SPAST: variants seen among roughly 807,000 people sequenced by gnomAD.
SPAST encodes spastic paraplegia 4 (autosomal dominant; spastin).
SPAST carries 30 observed loss-of-function variants against 76.6 expected under a neutral mutation model. The observed-to-expected ratio is 0.39, with a 90% CI of 0.29 to 0.53. The LOEUF is 0.53. Among genes scored for constraint, SPAST ranks in the 20% least tolerant of loss-of-function variants. The pLI, the probability that SPAST is intolerant of heterozygous loss-of-function variation, is 0.68. For missense variants in SPAST, 717 were observed against 770.5 expected, an observed-to-expected ratio of 0.93 and a Z score of 0.82; for synonymous variants, 305 against 281.0, an observed-to-expected ratio of 1.09 and a Z score of -0.86.
chr2:32,074,051 G>A (rs1329875823), intron 1 of SPAST, among the ~76,000 whole-genome samples: 1 of 152,172 alleles, frequency 6.6e-6, no homozygotes, highest in Non-Finnish European at 1.5e-5. Context: ...ACACACATAT[G>A]TAATAACCAT....
At chr2:32,105,790 A>T (rs1002667219) in intron 4 of SPAST, among the ~76,000 whole-genome samples, 1 of 152,190 alleles carries the variant, frequency 6.6e-6, no homozygotes, top group Non-Finnish European at 1.5e-5. Context: ...TTGCAGAACG[A>T]CAAATGTTGC....
intron 3 of SPAST, among the ~76,000 whole-genome samples, chr2:32,094,045 A>G (rs763766964): frequency 6.6e-6 from 1 of 152,148 alleles, no homozygotes; most frequent in Admixed American, 6.5e-5. Context: ...TTTCCATCCT[A>G]ATTAGATACC....
At chr2:32,116,261 T>G (rs1210639597) in intron 7 of SPAST, 49 bp downstream of exon 7, 1 of 1,123,036 alleles carries the variant, frequency 8.9e-7, no homozygotes, top group Non-Finnish European at 1.4e-6. Flanking sequence ...TGTTACTGAA[T>G]CCATAGTAGT....
intron 4 of SPAST, among the ~76,000 whole-genome samples, chr2:32,101,944 T>C (rs1678142376): frequency 6.6e-6 from 1 of 152,146 alleles, no homozygotes; most frequent in South Asian, 2.1e-4. Context: ...CTTAGGATTG[T>C]CTTGGCAATG....
At chr2:32,066,719 A>G (rs1256561065) in intron 1 of SPAST, among the ~76,000 whole-genome samples, 3 of 152,006 alleles carry the variant, frequency 2.0e-5, no homozygotes, top group Non-Finnish European at 2.9e-5. Context: ...CATGCCTGTA[A>G]TTCCAGCACT....
intron 7 of SPAST, among the ~76,000 whole-genome samples, chr2:32,119,628 A>G (rs1678950910): frequency 6.6e-6 from 1 of 152,188 alleles, no homozygotes; most frequent in Admixed American, 6.6e-5. Context: ...CTTCAATCCC[A>G]TAGGACCATG....
intron 7 of SPAST, among the ~76,000 whole-genome samples, chr2:32,123,009 C>T (rs1679068151): frequency 6.6e-6 from 1 of 152,116 alleles, no homozygotes; most frequent in Non-Finnish European, 1.5e-5. Context: ...CACCTGTAAT[C>T]CCAGCACTTT....
Position 32,114,630 on chromosome 2 carries a change from C to T in SPAST, c.683-8C>T. The T allele has an allele frequency of 6.2e-7, 1 of 1,612,366 alleles. No individual in the cohort carries two copies. Among genetic ancestry groups the T allele is most frequent in the South Asian group, 1.1e-5 (1 of 91,044 alleles). On this transcript the variant is annotated splice_region_variant and splice_polypyrimidine_tract_variant and intron_variant, in intron 4 of 16. Coordinates refer to ENST00000315285, the MANE Select transcript of SPAST (RefSeq NM_014946.4). The stretch of plus-strand genomic sequence containing the variant: ...CTAATCACAATGGTTTTACTTTTTC[C>T]TTGTCAGAAAGTGGAGCTGTTCCAA...
intron 16 of SPAST, among the ~76,000 whole-genome samples, 179 bp from the exon 17 acceptor site, chr2:32,154,195 G>A (rs1680177547): frequency 1.3e-5 from 2 of 152,160 alleles, no homozygotes; most frequent in South Asian, 4.1e-4. Flanking sequence ...AAGGTTTCTT[G>A]TGTAGCAGAT....
intron 4 of SPAST, among the ~76,000 whole-genome samples, chr2:32,110,000 T>A (rs1678480700): frequency 6.7e-6 from 1 of 148,686 alleles, no homozygotes. Context: ...GTATTAGTTA[T>A]ATCAAAATAA....
chr2:32,109,718 T>G (rs935544248), intron 4 of SPAST, among the ~76,000 whole-genome samples: 2 of 149,168 alleles, frequency 1.3e-5, no homozygotes, highest in African/African-American at 2.4e-5. Context: ...TAACTAAAAA[T>G]AACTATATGT....
chr2:32,112,814 A>G lies in SPAST; in HGVS notation c.683-1824A>G, dbSNP rs73922621. On this transcript the variant is annotated intron_variant, in intron 4 of 16. Coordinates refer to ENST00000315285, the MANE Select transcript of SPAST (RefSeq NM_014946.4). ...AAACCGTATTAAGAGATTTGATTAC[A>G]AAAGTAAAATTGAGGCTTTTGTCTT... Among the ~76,000 whole-genome samples, 1,098 of 152,086 alleles carry G rather than the reference A, an allele frequency of 7.2e-3. 11 individuals are homozygous for G. Among genetic ancestry groups the G allele is most frequent in the African/African-American group, 0.025 (1,040 of 41,498 alleles).
At chr2:32,108,994 G>A (rs1371038152) in intron 4 of SPAST, among the ~76,000 whole-genome samples, 2 of 151,862 alleles carry the variant, frequency 1.3e-5, no homozygotes, top group Non-Finnish European at 1.5e-5. Context: ...TCGATCTCCT[G>A]ACCTCGATCC....
At chr2:32,078,384 C>G (rs1677060142) in intron 1 of SPAST, among the ~76,000 whole-genome samples, 1 of 152,110 alleles carries the variant, frequency 6.6e-6, no homozygotes, top group Admixed American at 6.6e-5. Context: ...CCAAGCTGGC[C>G]AGGCTGGTCT....
At chr2:32,092,860 T>G (rs1677775683) in intron 3 of SPAST, among the ~76,000 whole-genome samples, 1 of 151,684 alleles carries the variant, frequency 6.6e-6, no homozygotes, top group African/African-American at 2.4e-5. Flanking sequence ...TACAAAAAAT[T>G]AGCCAGGCTG....
chr2:32,077,715 G>C (rs1334831324), intron 1 of SPAST: 1 of 152,146 alleles, frequency 6.6e-6, no homozygotes, highest in Non-Finnish European at 1.5e-5. Flanking sequence ...GGCAATCTGG[G>C]TCTCACTAAT....
chr2:32,106,789 C>G (rs1678338934), intron 4 of SPAST, among the ~76,000 whole-genome samples: 1 of 151,916 alleles, frequency 6.6e-6, no homozygotes, highest in Non-Finnish European at 1.5e-5. Flanking sequence ...ATTCCTTCCT[C>G]TGTCTGATTT....
chr2:32,128,106 C>T (rs995495157), intron 8 of SPAST: 1 of 347,792 alleles, frequency 2.9e-6, no homozygotes, highest in Non-Finnish European at 5.5e-6. Flanking sequence ...GCAATTCTGC[C>T]ACGTCAGCTT....
rs1679023519 is a variant in SPAST, at chr2:32,121,607, C to T, written c.1099-5341C>T. On this transcript the variant is annotated intron_variant, in intron 7 of 16. Coordinates refer to ENST00000315285, the MANE Select transcript of SPAST (RefSeq NM_014946.4). ...CCAGGCTGGAGTGCAGTGGTGCGAT[C>T]TCAGCTCACTGCGCCCTTCGCCTCC... Among the ~76,000 whole-genome samples the T allele has an allele frequency of 4.5e-5, 6 of 133,478 alleles. No individual in the cohort carries two copies. In the South Asian group the frequency reaches 1.4e-3, roughly 32 times the overall value. The allele number at this position is 133,478 out of a possible 152,430, so 87.6% of individuals were successfully genotyped here. A position where few individuals can be genotyped will look rare whatever the true frequency, so the allele number is the denominator to read the frequency against.
Sources: allele counts gnomAD v4.1 joint callset (sites outside exome capture counted in the v4.1 genomes callset), GRCh38; gene constraint gnomAD v4.1.1; transcripts MANE v1.5; gene names NCBI Gene and HGNC (gene_info 2026-07-23, HGNC 2026-07-21).